The following ADAMTSL1 variants were observed in gnomAD, a reference collection of about 807,000 sequenced individuals.
ADAMTSL1 encodes the protein ADAMTS-like protein 1.
ADAMTSL1 carries 126 observed loss-of-function variants against 201.8 expected under a neutral mutation model. The ratio of observed to expected loss-of-function variants is 0.62; its 90% CI spans 0.54 to 0.72. The LOEUF (loss-of-function observed/expected upper bound fraction) is 0.72. ADAMTSL1 is among the 30% of genes least tolerant of loss of function. ADAMTSL1 has a pLI of 0.00. For synonymous variants in ADAMTSL1, 1,121 were observed against 903.4 expected, an observed-to-expected ratio of 1.24 and a Z score of -4.32; for missense variants, 2,679 against 2,277.8, an observed-to-expected ratio of 1.18 and a Z score of -3.59.
intron 2 of ADAMTSL1, among the ~76,000 whole-genome samples, chr9:18,396,121 T>C (rs1198441888): frequency 6.6e-6 from 1 of 152,208 alleles, no homozygotes; most frequent in Admixed American, 6.6e-5. Context: ...ACCCCATACT[T>C]TATCCAACCT....
intron 20 of ADAMTSL1, among the ~76,000 whole-genome samples, chr9:18,814,445 T>C (rs10963780): frequency 6.6e-6 from 1 of 152,160 alleles, no homozygotes; most frequent in Admixed American, 6.5e-5. Flanking sequence ...CAGAATGAGA[T>C]AAAATATTTG....
chr9:18,813,130 C>G (rs1042745834), intron 20 of ADAMTSL1, among the ~76,000 whole-genome samples: 2 of 151,974 alleles, frequency 1.3e-5, no homozygotes, highest in Non-Finnish European at 2.9e-5. Context: ...CCACGCCCAG[C>G]TAATTTTTGT....
At chr9:18,446,294 TG>T (rs1275837023) in intron 2 of ADAMTSL1, among the ~76,000 whole-genome samples, 2 of 152,148 alleles carry the variant, frequency 1.3e-5, no homozygotes, top group South Asian at 2.1e-4. Context: ...AAGATATGCC[TG>T]GGGGAAAAAA....
intron 1 of ADAMTSL1, among the ~76,000 whole-genome samples, chr9:18,100,310 T>G (rs901914053): frequency 2.0e-5 from 3 of 152,158 alleles, no homozygotes; most frequent in African/African-American, 7.2e-5. Flanking sequence ...AGAGTCAGTC[T>G]TGCTCTATCA....
chr9:18,261,963 C>T (rs1831941422), intron 2 of ADAMTSL1, among the ~76,000 whole-genome samples: 1 of 152,094 alleles, frequency 6.6e-6, no homozygotes, highest in South Asian at 2.1e-4. Flanking sequence ...GTAATTCATC[C>T]TCTGCAAAAA....
At chr9:17,961,148 T>G (rs113609979) in intron 1 of ADAMTSL1, among the ~76,000 whole-genome samples, 1,754 of 152,276 alleles carry the variant, frequency 0.012, 12 homozygotes, top group Middle Eastern at 0.048. Flanking sequence ...ATACTTGGGC[T>G]CTACCAAGTA....
chr9:18,597,678 G>A (rs115783943), intron 4 of ADAMTSL1, among the ~76,000 whole-genome samples: 1 of 151,920 alleles, frequency 6.6e-6, no homozygotes, highest in Non-Finnish European at 1.5e-5. Flanking sequence ...ATTATACATG[G>A]GCTAACTGGC....
intron 2 of ADAMTSL1, among the ~76,000 whole-genome samples, chr9:18,275,553 G>GT (rs995369427): frequency 4.0e-5 from 6 of 151,680 alleles, no homozygotes; most frequent in South Asian, 4.2e-4. Context: ...TACTGATCTG[G>GT]TTTTTTTTGC....
intron 1 of ADAMTSL1, among the ~76,000 whole-genome samples, chr9:18,112,638 T>C (rs953836572): frequency 6.6e-6 from 1 of 152,100 alleles, no homozygotes; most frequent in African/African-American, 2.4e-5. Context: ...GTAATTGCAA[T>C]ATAGTGATGA....
intron 23 of ADAMTSL1, among the ~76,000 whole-genome samples, chr9:18,853,918 T>TGTGTGTGTGTGTGTGTGTGTGTGCGCGC (rs139332733): frequency 4.8e-5 from 7 of 145,382 alleles, no homozygotes; most frequent in African/African-American, 1.0e-4. Context: ...TGTGTGTGTG[T>TGTGTGTGTGTGTGTGTGTGTGTGCGCGC]GCGCGTGCAT....
chr9:18,256,371 G>A (rs1018447127), intron 2 of ADAMTSL1, among the ~76,000 whole-genome samples: 1 of 152,276 alleles, frequency 6.6e-6, no homozygotes, highest in Non-Finnish European at 1.5e-5. Context: ...TTGAACTCCT[G>A]ACAGGGTTTC....
At chr9:18,061,221 T>C (rs1822441290) in intron 1 of ADAMTSL1, among the ~76,000 whole-genome samples, 1 of 152,230 alleles carries the variant, frequency 6.6e-6, no homozygotes, top group South Asian at 2.1e-4. Context: ...ATTAGACAGG[T>C]CACTTAGCAG....
chr9:18,791,305 A>G (rs1822030863), intron 19 of ADAMTSL1, among the ~76,000 whole-genome samples: 1 of 152,136 alleles, frequency 6.6e-6, no homozygotes, highest in African/African-American at 2.4e-5. Flanking sequence ...GCCTTCATCT[A>G]CCAATTTTAT....
At chr9:18,281,155 T>C (rs1027344015) in intron 2 of ADAMTSL1, among the ~76,000 whole-genome samples, 8 of 152,164 alleles carry the variant, frequency 5.3e-5, no homozygotes, top group African/African-American at 1.7e-4. Flanking sequence ...TTATCCCATG[T>C]AAATGGCAAT....
At chr9:18,328,041 A>T (rs1834894300) in intron 2 of ADAMTSL1, among the ~76,000 whole-genome samples, 1 of 152,242 alleles carries the variant, frequency 6.6e-6, no homozygotes, top group East Asian at 1.9e-4. Flanking sequence ...ACAGGACAAG[A>T]TTCAAATAAT....
At chr9:18,503,441 A>ATATATATATATATATATATATATATAT (rs1822953348) in intron 1 of ADAMTSL1, among the ~76,000 whole-genome samples, 1 of 146,090 alleles carries the variant, frequency 6.8e-6, no homozygotes, top group Admixed American at 6.8e-5. Context: ...ATATATATAT[A>ATATATATATATATATATATATATATAT]CCACATTTTG....
chr9:18,359,013 T>A (rs1483679732), intron 2 of ADAMTSL1, among the ~76,000 whole-genome samples: 1 of 152,146 alleles, frequency 6.6e-6, no homozygotes, highest in Non-Finnish European at 1.5e-5. Flanking sequence ...TTCAAACAGT[T>A]TGAACACTCT....
chr9:18,795,293 G>A, intron 19 of ADAMTSL1, 104 bp from the exon 20 acceptor site: 1 of 1,445,606 alleles, frequency 6.9e-7, no homozygotes, highest in East Asian at 2.3e-5. Flanking sequence ...GTTAAAACAG[G>A]GTTCTGCATA....
In ADAMTSL1 at chr9:18,199,822, G is replaced by T. The variant is rs762386024; in HGVS notation, c.207+35841G>T. ...TTGGTAAAATGTGTGTGCTAAGTAA[G>T]GATCAAACTGTTGTTATAAATTCTT... On this transcript the variant is annotated intron_variant, in intron 2 of 29. Coordinates refer to the ADAMTSL1 transcript ENST00000680146. Among the ~76,000 whole-genome samples the T allele has an allele frequency of 5.0e-4, 76 of 152,034 alleles. 2 individuals are homozygous for T. Among genetic ancestry groups the T allele is most frequent in the Admixed American group, 3.0e-3 (45 of 15,232 alleles).
Sources: gnomAD v4.1 joint callset for allele counts (sites outside exome capture counted in the v4.1 genomes callset) on GRCh38, gnomAD v4.1.1 for gene constraint, MANE v1.5 for transcripts, NCBI Gene and HGNC (gene_info 2026-07-23, HGNC 2026-07-21) for gene names.